CADM2: variants seen among roughly 807,000 people sequenced by gnomAD.
CADM2 encodes the protein cell adhesion molecule 2, also known as immunoglobulin superfamily member 4D.
In CADM2, 12 loss-of-function variants were observed where a neutral mutation model predicts 49.8. That is an observed-to-expected ratio of 0.24 (90% CI 0.15 to 0.39). The LOEUF (loss-of-function observed/expected upper bound fraction) is 0.39. Among genes scored for constraint, CADM2 ranks in the 10% least tolerant of loss-of-function variants. CADM2 has a pLI of 1.00. For missense variants in CADM2, 378 were observed against 492.3 expected, an observed-to-expected ratio of 0.77 and a Z score of 2.20; for synonymous variants, 214 against 175.4, an observed-to-expected ratio of 1.22 and a Z score of -1.74.
intron 1 of CADM2, among the ~76,000 whole-genome samples, chr3:84,960,974 AATG>A (rs2030453320): frequency 6.6e-6 from 1 of 152,052 alleles, no homozygotes; most frequent in Non-Finnish European, 1.5e-5. Context: ...ATGGATGTGA[AATG>A]ATGATTGATA....
chr3:85,918,775 T>C (rs1365638874), intron 6 of CADM2, among the ~76,000 whole-genome samples: 1 of 152,084 alleles, frequency 6.6e-6, no homozygotes, highest in Non-Finnish European at 1.5e-5. Flanking sequence ...AAAACCACTT[T>C]TAAAAATTAA....
In CADM2 at chr3:85,601,560, T is replaced by TA. The variant is rs908348134; in HGVS notation, c.62-124958dup. Among the ~76,000 whole-genome samples the TA allele has an allele frequency of 3.0e-4, 45 of 151,666 alleles. 1 individual carries two copies. Among genetic ancestry groups the TA allele is most frequent in the African/African-American group, 1.1e-3 (44 of 41,504 alleles). Reference sequence around the variant, plus strand: ...TTTAGATATACTCAAAGATCCTATTTAAAATCATCATATTTGTATAGAACA... The same window carrying TA: ...TTTAGATATACTCAAAGATCCTATTTAAAAATCATCATATTTGTATAGAACA... On this transcript the variant is annotated intron_variant, in intron 1 of 9. Coordinates refer to ENST00000383699, the MANE Select transcript of CADM2 (RefSeq NM_001167675.2).
At chr3:85,818,124 C>G (rs191556554) in intron 3 of CADM2, among the ~76,000 whole-genome samples, 44 of 151,830 alleles carry the variant, frequency 2.9e-4, no homozygotes, top group African/African-American at 9.4e-4. Context: ...AAGCAAAGAC[C>G]CTGTGTTCTT....
At chr3:85,413,266 T>C (rs1034345726) in intron 1 of CADM2, among the ~76,000 whole-genome samples, 3 of 150,704 alleles carry the variant, frequency 2.0e-5, no homozygotes, top group Admixed American at 1.3e-4. Context: ...AGTACACATA[T>C]ACATTATATA....
At chr3:85,512,470 T>C (rs1486982835) in intron 1 of CADM2, among the ~76,000 whole-genome samples, 1 of 152,056 alleles carries the variant, frequency 6.6e-6, no homozygotes, top group Admixed American at 6.6e-5. Flanking sequence ...AATATTCATT[T>C]TGGTGTTTGT....
intron 1 of CADM2, among the ~76,000 whole-genome samples, chr3:85,304,209 C>T (rs1231209292): frequency 2.6e-5 from 4 of 151,754 alleles, no homozygotes; most frequent in East Asian, 1.9e-4. Context: ...TTGTGATTGT[C>T]GATAGTTAAA....
intron 1 of CADM2, among the ~76,000 whole-genome samples, chr3:85,496,487 G>T: frequency 6.6e-6 from 1 of 152,126 alleles, no homozygotes; most frequent in East Asian, 1.9e-4. Context: ...ATTGTGAATA[G>T]TGTTGCAATG....
intron 1 of CADM2, among the ~76,000 whole-genome samples, chr3:85,073,003 T>C (rs1196639194): frequency 6.6e-6 from 1 of 152,124 alleles, no homozygotes; most frequent in African/African-American, 2.4e-5. Flanking sequence ...ATTTAAAAAA[T>C]TGTTTTTCAT....
chr3:85,397,841 A>T (rs1489441074), intron 1 of CADM2, among the ~76,000 whole-genome samples: 2 of 152,174 alleles, frequency 1.3e-5, no homozygotes, highest in East Asian at 3.9e-4. Flanking sequence ...AATATGTTTC[A>T]TGACACTTAG....
At chr3:85,888,132 A>G (rs1232189141) in intron 5 of CADM2, among the ~76,000 whole-genome samples, 1 of 152,130 alleles carries the variant, frequency 6.6e-6, no homozygotes, top group South Asian at 2.1e-4. Context: ...TTGTTTACTC[A>G]GTTCTCACTT....
intron 1 of CADM2, among the ~76,000 whole-genome samples, chr3:85,241,041 G>T (rs896670274): frequency 6.6e-6 from 1 of 151,332 alleles, no homozygotes; most frequent in Admixed American, 6.6e-5. Context: ...CATGACTTTT[G>T]AGCATATAGA....
chr3:85,500,115 T>C (rs995529657), intron 1 of CADM2, among the ~76,000 whole-genome samples: 2 of 152,196 alleles, frequency 1.3e-5, no homozygotes, highest in Non-Finnish European at 2.9e-5. Context: ...TTTATTTGTG[T>C]ATTGCCAAAA....
At chr3:85,936,617 TTTAA>T (rs1310127378) in intron 7 of CADM2, among the ~76,000 whole-genome samples, 1 of 151,818 alleles carries the variant, frequency 6.6e-6, no homozygotes, top group Admixed American at 6.6e-5. Context: ...CTGTTTAAAT[TTTAA>T]TAGAAGGAAT....
chr3:85,796,860 G>A (rs1283452477), intron 2 of CADM2, among the ~76,000 whole-genome samples: 1 of 152,018 alleles, frequency 6.6e-6, no homozygotes, highest in East Asian at 1.9e-4. Context: ...ACTTTAAGAG[G>A]CCAAGATGGG....
chr3:85,081,748 T>G (rs752642206), intron 1 of CADM2, among the ~76,000 whole-genome samples: 2 of 152,124 alleles, frequency 1.3e-5, no homozygotes, highest in Non-Finnish European at 2.9e-5. Flanking sequence ...CCGGCATTTC[T>G]CCTCTCTGCC....
Position 85,807,320 on chromosome 3 carries a change from GA to G in CADM2, c.238+5129del, listed in dbSNP as rs1438122778. ...TTGAGACCAGCCTGGCCAACGTGAC[GA>G]AAAACCATCTCTACTAAAAATACAA... On this transcript the variant is annotated intron_variant, in intron 3 of 9. Transcript: ENST00000383699. Among the ~76,000 whole-genome samples the G allele has an allele frequency of 3.9e-5, 6 of 151,996 alleles. No homozygotes were observed. In the South Asian group the frequency reaches 1.3e-3, roughly 32 times the overall value.
At chr3:84,971,833 C>A (rs60523596) in intron 1 of CADM2, among the ~76,000 whole-genome samples, 8,688 of 151,990 alleles carry the variant, frequency 0.057, 620 homozygotes, top group East Asian at 0.38. Flanking sequence ...GGGATATTTT[C>A]TCCCAGGAAA....
At position 85,359,077 on chromosome 3, in the gene CADM2, C is replaced by A. The variant is rs187987232; in HGVS notation, c.62-367445C>A. ...CCACCTGGACATCTTCTTTTACAGC[C>A]TCATTACACTTGCCAGTGATTCATG... is the stretch of plus-strand genomic sequence containing the variant. On this transcript the variant is annotated intron_variant, in intron 1 of 9. Transcript: ENST00000383699. 2.7e-3 allele frequency among the ~76,000 whole-genome samples: 405 copies of A among 152,244 alleles called. 1 individual carries two copies. In the Middle Eastern group the frequency reaches 0.041, roughly 15 times the overall value.
intron 1 of CADM2, among the ~76,000 whole-genome samples, chr3:85,021,670 G>C (rs990278818): frequency 1.8e-4 from 27 of 152,114 alleles, no homozygotes; most frequent in African/African-American, 6.0e-4. Context: ...AGCTTCTCGA[G>C]AGGCTGAGGC....
Sources: gnomAD v4.1 joint callset for allele counts (sites outside exome capture counted in the v4.1 genomes callset) on GRCh38, gnomAD v4.1.1 for gene constraint, MANE v1.5 for transcripts, NCBI Gene and HGNC (gene_info 2026-07-23, HGNC 2026-07-21) for gene names.